SLC6A17: variants seen among roughly 807,000 people sequenced by gnomAD.
SLC6A17 encodes sodium-dependent neutral amino acid transporter SLC6A17.
Under a neutral mutation model 64.5 loss-of-function variants are expected in SLC6A17, and 21 were observed. That is an observed-to-expected ratio of 0.33 (90% CI 0.23 to 0.47). The LOEUF is 0.47. Among genes scored for constraint, SLC6A17 ranks in the 20% least tolerant of loss-of-function variants. The pLI, the probability that SLC6A17 is intolerant of heterozygous loss-of-function variation, is 1.00. For synonymous variants in SLC6A17, 372 were observed against 399.5 expected (o/e 0.93, Z 0.82); for missense variants, 682 against 963.2 (o/e 0.71, Z 3.86).
chr1:110,173,103 G>A (rs1656285383), intron 3 of SLC6A17, among the ~76,000 whole-genome samples: 1 of 152,252 alleles, frequency 6.6e-6, no homozygotes, highest in African/African-American at 2.4e-5. Context: ...GCTGTGTGCT[G>A]ATACACAGGA....
At chr1:110,170,626 GGCCCTCTCTCCTTTGA>G (rs1185030516) in intron 2 of SLC6A17, among the ~76,000 whole-genome samples, 3 of 152,218 alleles carry the variant, frequency 2.0e-5, no homozygotes, top group Non-Finnish European at 2.9e-5. Context: ...TGGCCCTTTG[GGCCCTCTCTCCTTTGA>G]GCCCTCTCTC....
Position 110,174,050 on chromosome 1 carries a change from C to T in SLC6A17, c.522C>T (p.Tyr174=). ...SIFYFFKSFQ[Y]PLPWSECPVV... ...TCTATTTCTTCAAGTCCTTCCAGTA[C>T]CCGCTGCCCTGGAGTGAATGTCCTG... The change falls in exon 4 of 12, where the codon TAC becomes TAT. Residue 174 remains tyrosine (Y), a synonymous_variant. Coordinates refer to ENST00000331565, the MANE Select transcript of SLC6A17 (RefSeq NM_001010898.4). 6.2e-7 allele frequency: 1 copy of T among 1,614,186 alleles called. No homozygotes were observed. Among genetic ancestry groups the T allele is most frequent in the Non-Finnish European group, 8.5e-7 (1 of 1,180,040 alleles).
intron 5 of SLC6A17, among the ~76,000 whole-genome samples, chr1:110,176,284 C>A (rs1286347590): frequency 1.3e-5 from 2 of 152,042 alleles, no homozygotes; most frequent in African/African-American, 4.8e-5. Context: ...AGGGGGCCCA[C>A]TGGGGGAATG....
intron 1 of SLC6A17, among the ~76,000 whole-genome samples, chr1:110,158,074 A>T (rs973009307): frequency 1.3e-5 from 2 of 152,170 alleles, no homozygotes; most frequent in African/African-American, 4.8e-5. Context: ...TATAAATTAT[A>T]TATTTGTCTG....
intron 1 of SLC6A17, among the ~76,000 whole-genome samples, chr1:110,160,357 C>G (rs1655874759): frequency 6.6e-6 from 1 of 152,230 alleles, no homozygotes; most frequent in East Asian, 1.9e-4. Flanking sequence ...TTCAACATGG[C>G]AAGCAGGTTG....
intron 1 of SLC6A17, among the ~76,000 whole-genome samples, chr1:110,152,671 G>C (rs1256185495): frequency 2.6e-5 from 4 of 152,120 alleles, no homozygotes; most frequent in Admixed American, 2.6e-4. Flanking sequence ...TCAGAACTGG[G>C]CCCAGTGTTC....
intron 6 of SLC6A17, among the ~76,000 whole-genome samples, chr1:110,184,784 T>C (rs1656635061): frequency 6.6e-6 from 1 of 152,206 alleles, no homozygotes; most frequent in Admixed American, 6.5e-5. Context: ...CGTGCGTGTA[T>C]GTATATGTGT....
intron 1 of SLC6A17, among the ~76,000 whole-genome samples, chr1:110,164,361 T>C (rs1025679753): frequency 9.2e-5 from 14 of 152,316 alleles, no homozygotes; most frequent in South Asian, 6.2e-4. Context: ...CTGAGTAGCT[T>C]TGGGCAATTC....
intron 1 of SLC6A17, among the ~76,000 whole-genome samples, chr1:110,160,326 A>G (rs1218940338): frequency 3.3e-5 from 5 of 152,264 alleles, no homozygotes; most frequent in Non-Finnish European, 4.4e-5. Context: ...CTTTGTTTCA[A>G]ATGTGAGGCA....
chr1:110,178,654 C>A, intron 6 of SLC6A17: 1 of 153,952 alleles, frequency 6.5e-6, no homozygotes, highest in South Asian at 1.8e-4. Context: ...AGTCCAAGAT[C>A]AAGGCACCCA....
rs1656936187 is a variant in SLC6A17 at position 110,195,457 on chromosome 1, G to C, written c.1493-129G>C. The C allele has an allele frequency of 2.6e-6, 3 of 1,159,752 alleles. No homozygotes were observed. The South Asian group carries it at 4.5e-5, about 17-fold the overall frequency. 71.8% of individuals were successfully genotyped at this position (1,159,752 alleles called of 1,614,324 possible). On this transcript the variant is annotated intron_variant, in intron 9 of 11. Coordinates refer to ENST00000331565, the MANE Select transcript of SLC6A17 (RefSeq NM_001010898.4). Reference sequence around the variant, plus strand: ...GGATCCCTCGTGCAGGACTGAGCCTGCTGGCAGGAGGGCTGCAGGCATGCT... The same window carrying C: ...GGATCCCTCGTGCAGGACTGAGCCTCCTGGCAGGAGGGCTGCAGGCATGCT...
At chr1:110,195,880 T>A in intron 10 of SLC6A17, 135 bp downstream of exon 10, 1 of 1,299,726 alleles carries the variant, frequency 7.7e-7, no homozygotes, top group Non-Finnish European at 1.1e-6. Context: ...AACTGAGGTG[T>A]AGTGCAAGGA....
chr1:110,161,199 T>C (rs113146223), intron 1 of SLC6A17, among the ~76,000 whole-genome samples: 3,978 of 152,286 alleles, frequency 0.026, 179 homozygotes, highest in African/African-American at 0.089. Context: ...TCTCTGATAA[T>C]AGTCCGGCCT....
chr1:110,151,856 A>T (rs1439330239), intron 1 of SLC6A17, among the ~76,000 whole-genome samples: 1 of 151,762 alleles, frequency 6.6e-6, no homozygotes, highest in Non-Finnish European at 1.5e-5. Context: ...AACCAGAGCT[A>T]CCTTTGGGCA....
chr1:110,192,083 GACA>G lies in SLC6A17; in HGVS notation c.982_984del (p.Asn328del). 6.2e-7 allele frequency: 1 copy of G among 1,614,166 alleles called. No homozygotes were observed. The highest frequency in any genetic ancestry group is 8.5e-7 in the Non-Finnish European group (1 of 1,180,034). ...TGCCTTCTCCAGCTACAATAAGCAG[GACA>G]ACAACTGCCACTTCGATGCCGCCCT... On this transcript the variant is annotated inframe_deletion, in exon 7 of 12. Transcript: ENST00000331565. This position sits in a 1 kb window ranked among gnomAD's most constrained non-coding sequence, Gnocchi z 4.3.
intron 5 of SLC6A17, 99 bp from the exon 6 acceptor site, chr1:110,176,530 C>A: frequency 8.9e-7 from 1 of 1,129,102 alleles, no homozygotes; most frequent in Non-Finnish European, 1.3e-6. Flanking sequence ...TTTCTGCTGC[C>A]ATCAGGGGCG....
In SLC6A17 at chr1:110,197,983, C is replaced by T. The variant is rs575401504; in HGVS notation, c.1816-93C>T. 4,094 of 1,515,448 alleles carry T rather than the reference C, an allele frequency of 2.7e-3. 6 individuals carry two copies. The highest frequency in any genetic ancestry group is 3.4e-3 in the Non-Finnish European group (3,820 of 1,137,878). 93.9% of individuals were successfully genotyped at this position (1,515,448 alleles called of 1,614,324 possible). ...GGTGGGAGGGGAGAGGAGTGGAAGG[C>T]CATGGGTGAGGGCAGGAGAGCAGTC... On this transcript the variant is annotated intron_variant, in intron 11 of 11. Coordinates refer to ENST00000331565, the MANE Select transcript of SLC6A17 (RefSeq NM_001010898.4).
chr1:110,191,461 C>T (rs1210768701), intron 6 of SLC6A17, among the ~76,000 whole-genome samples: 1 of 152,028 alleles, frequency 6.6e-6, no homozygotes, highest in Non-Finnish European at 1.5e-5. Context: ...GAAAAGCAGG[C>T]GGTTTGGGTT....
chr1:110,176,890 G>A (rs1455248949), intron 6 of SLC6A17, 151 bp downstream of exon 6: 15 of 696,688 alleles, frequency 2.2e-5, no homozygotes, highest in Non-Finnish European at 3.6e-5. Flanking sequence ...ACAGGGAAGG[G>A]GGCATGGGCC....
Sources: gnomAD v4.1 joint callset for allele counts (sites outside exome capture counted in the v4.1 genomes callset) on GRCh38, gnomAD v4.1.1 for gene constraint, Gnocchi (gnomAD v3.1) non-coding constraint, MANE v1.5 for transcripts, NCBI Gene and HGNC (gene_info 2026-07-23, HGNC 2026-07-21) for gene names.